PACRGL: variants seen among roughly 807,000 people sequenced by gnomAD.
PACRGL encodes PACRG-like protein.
In PACRGL, 38 loss-of-function variants were observed where a neutral mutation model predicts 34.5. That is an observed-to-expected ratio of 1.10 (90% CI 0.85 to 1.44). The LOEUF (loss-of-function observed/expected upper bound fraction) is 1.44. Among genes scored for constraint, PACRGL ranks in the 40% most tolerant of loss-of-function variants. PACRGL has a pLI of 0.00. For missense variants in PACRGL, 305 were observed against 281.4 expected, an observed-to-expected ratio of 1.08 and a Z score of -0.60; for synonymous variants, 128 against 100.1, an observed-to-expected ratio of 1.28 and a Z score of -1.66.
intron 7 of PACRGL, among the ~76,000 whole-genome samples, chr4:20,714,839 G>C (rs1319986765): frequency 1.3e-5 from 2 of 152,186 alleles, no homozygotes; most frequent in Non-Finnish European, 2.9e-5. Flanking sequence ...CTGTAAAGTA[G>C]TTCAACCATT....
intron 7 of PACRGL, chr4:20,718,758 AT>A (rs1470992537): frequency 6.6e-6 from 1 of 152,206 alleles, no homozygotes; most frequent in Non-Finnish European, 1.5e-5. Context: ...GGATTTTTGC[AT>A]TGATGTTCAT....
At chr4:20,708,965 T>TAAA (rs35039845) in intron 4 of PACRGL, among the ~76,000 whole-genome samples, 1 of 140,754 alleles carries the variant, frequency 7.1e-6, no homozygotes, top group Non-Finnish European at 1.5e-5. Flanking sequence ...CATCTCTACT[T>TAAA]AAAAAAAAAA....
At chr4:20,751,379 G>T (rs1441154868) in intron 8 of PACRGL, among the ~76,000 whole-genome samples, 2 of 152,000 alleles carry the variant, frequency 1.3e-5, no homozygotes, top group African/African-American at 4.8e-5. Flanking sequence ...TTCTGTTGTT[G>T]GGAAGCTCCA....
chr4:20,717,839 ACT>A (rs1740897487), intron 7 of PACRGL, among the ~76,000 whole-genome samples: 1 of 147,670 alleles, frequency 6.8e-6, no homozygotes. Flanking sequence ...TTCCATATGA[ACT>A]TTAAAGTAGT....
chr4:20,741,290 A>T (rs372539609), intron 8 of PACRGL, among the ~76,000 whole-genome samples: 1 of 152,012 alleles, frequency 6.6e-6, no homozygotes. Flanking sequence ...ACTACGTCAC[A>T]CTTATTCCAA....
intron 1 of PACRGL, among the ~76,000 whole-genome samples, 167 bp from the exon 2 acceptor site, chr4:20,704,299 A>T (rs1733567438): frequency 6.6e-6 from 1 of 152,200 alleles, no homozygotes; most frequent in African/African-American, 2.4e-5. Context: ...TGAAGTTGAC[A>T]TAATTTCATG....
intron 4 of PACRGL, 88 bp from the exon 5 acceptor site, chr4:20,709,595 C>A: frequency 1.3e-6 from 1 of 782,936 alleles, no homozygotes; most frequent in Non-Finnish European, 2.0e-6. Flanking sequence ...CAAAATAAAT[C>A]TGATATGGTT....
In PACRGL at chr4:20,707,836, G is replaced by T; in HGVS notation, c.241G>T (p.Ala81Ser). ...GEQSRVPSAFAAIYSKGGIPC... is the reference protein window; with the variant it reads ...GEQSRVPSAFSAIYSKGGIPC... ...ACAGTCACGAGTGCCTTCTGCATTTGCAGCTATTTACTCTAAAGGAGGTAT... is the reference window on the plus strand; with the variant it reads ...ACAGTCACGAGTGCCTTCTGCATTTTCAGCTATTTACTCTAAAGGAGGTAT... Residue 81 changes from alanine (A) to serine (S), a missense_variant, in exon 4 of 9, where the codon GCA becomes TCA. Coordinates refer to ENST00000503585, the MANE Select transcript of PACRGL (RefSeq NM_001258345.3). The T allele has an allele frequency of 1.2e-6, 2 of 1,613,800 alleles. No individual in the cohort carries two copies. Among genetic ancestry groups the T allele is most frequent in the Non-Finnish European group, 1.7e-6 (2 of 1,179,774 alleles).
chr4:20,719,333 T>G (rs1290147914), intron 7 of PACRGL, among the ~76,000 whole-genome samples: 2 of 152,200 alleles, frequency 1.3e-5, no homozygotes, highest in African/African-American at 2.4e-5. Context: ...TCTCCTTCAA[T>G]TCTGCTCTGA....
chr4:20,732,646 C>T, downstream of PACRGL: 1 of 1,388,562 alleles, frequency 7.2e-7, no homozygotes. Context: ...TTTCTCCTAA[C>T]TTCATGCCCT....
At chr4:20,749,497 T>G (rs1753184618) in intron 8 of PACRGL, among the ~76,000 whole-genome samples, 1 of 152,192 alleles carries the variant, frequency 6.6e-6, no homozygotes, top group Non-Finnish European at 1.5e-5. Context: ...GCTTGCAATT[T>G]GTACATCTTT....
At chr4:20,720,173 A>G (rs1330654209) in intron 7 of PACRGL, among the ~76,000 whole-genome samples, 2 of 150,778 alleles carry the variant, frequency 1.3e-5, no homozygotes, top group African/African-American at 2.4e-5. Flanking sequence ...TTTGTTTTCC[A>G]TTTGCTTGGT....
chr4:20,761,921 G>A, the PACRGL span, among the ~76,000 whole-genome samples: 6 of 152,066 alleles, frequency 3.9e-5, no homozygotes, highest in Non-Finnish European at 8.8e-5. Context: ...AACACATACT[G>A]TATGCCTATT....
rs1397573232 is a variant in PACRGL at position 20,728,130 on chromosome 4, A to G, written c.*789A>G. ...TATTATTTGTAAATATGTATTTTAT[A>G]ATGTACAATGCTTGGAAAATTTTCA... On this transcript the variant is annotated 3_prime_UTR_variant, in exon 9 of 9. Coordinates refer to ENST00000503585, the MANE Select transcript of PACRGL (RefSeq NM_001258345.3). 2.0e-5 allele frequency: 3 copies of G among 152,166 alleles called. No individual in the cohort carries two copies. The highest frequency in any genetic ancestry group is 4.8e-5 in the African/African-American group (2 of 41,432). The allele number at this position is 152,166 out of a possible 1,614,324, so 9.4% of individuals were successfully genotyped here.
At chr4:20,716,177 A>G in intron 7 of PACRGL, 3 of 1,234,586 alleles carry the variant, frequency 2.4e-6, no homozygotes, top group Non-Finnish European at 2.3e-6. Context: ...GATCCATGGA[A>G]CTCAGGAAAG....
At chr4:20,713,589 A>C in intron 7 of PACRGL, 50 bp downstream of exon 7, 1 of 1,399,656 alleles carries the variant, frequency 7.1e-7, no homozygotes, top group South Asian at 1.2e-5. Flanking sequence ...ATCATGCACC[A>C]TCCATATCTC....
intron 8 of PACRGL, among the ~76,000 whole-genome samples, chr4:20,746,358 A>G (rs1052928544): frequency 2.0e-5 from 3 of 151,348 alleles, no homozygotes; most frequent in African/African-American, 7.3e-5. Flanking sequence ...AACATCACAC[A>G]CCAGGGCATG....
At chr4:20,724,971 T>C in intron 8 of PACRGL, 83 bp downstream of exon 8, 2 of 722,196 alleles carry the variant, frequency 2.8e-6, no homozygotes, top group Non-Finnish European at 2.0e-6. Context: ...ATTTAACATA[T>C]ACTATCTCAT....
intron 7 of PACRGL, among the ~76,000 whole-genome samples, chr4:20,722,519 G>A (rs772103380): frequency 2.6e-5 from 4 of 152,220 alleles, no homozygotes; most frequent in East Asian, 1.9e-4. Flanking sequence ...GTGTGGCAAC[G>A]TGCATGGAGT....
Sources: allele counts gnomAD v4.1 joint callset (sites outside exome capture counted in the v4.1 genomes callset), GRCh38; gene constraint gnomAD v4.1.1; transcripts MANE v1.5; gene names NCBI Gene and HGNC (gene_info 2026-07-23, HGNC 2026-07-21).